Variants in RPGRIP1L observed in about 807,000 individuals in gnomAD.
RPGRIP1L encodes the protein protein fantom.
RPGRIP1L carries 131 observed loss-of-function variants against 160.4 expected under a neutral mutation model. The observed-to-expected ratio is 0.82, with a 90% CI of 0.71 to 0.94. The LOEUF (loss-of-function observed/expected upper bound fraction) is 0.94. Among genes scored for constraint, RPGRIP1L ranks in the 40% least tolerant of loss-of-function variants. RPGRIP1L has a pLI of 0.00. For synonymous variants in RPGRIP1L, 510 were observed against 515.8 expected (o/e 0.99, Z 0.15); for missense variants, 1,522 against 1,535.8 (o/e 0.99, Z 0.15).
At chr16:53,643,076 C>A (rs1432396255) in intron 17 of RPGRIP1L, among the ~76,000 whole-genome samples, 1 of 152,094 alleles carries the variant, frequency 6.6e-6, no homozygotes, top group Non-Finnish European at 1.5e-5. Context: ...GCAGGTGGAT[C>A]ACTTGAGGTC....
intron 22 of RPGRIP1L, among the ~76,000 whole-genome samples, chr16:53,633,341 CA>C (rs1425587498): frequency 6.6e-6 from 1 of 152,130 alleles, no homozygotes; most frequent in Non-Finnish European, 1.5e-5. Flanking sequence ...GTATTCCTAC[CA>C]AAATGCATAA....
At chr16:53,617,879 G>A (rs777683126) in intron 24 of RPGRIP1L, among the ~76,000 whole-genome samples, 11 of 152,150 alleles carry the variant, frequency 7.2e-5, no homozygotes, top group Non-Finnish European at 1.5e-4. Context: ...CAATTTCTAA[G>A]ATTAGTGAGG....
Position 53,665,020 on chromosome 16 carries a change from C to T in RPGRIP1L, c.1104-11G>A. 1 of 1,613,386 alleles carries T rather than the reference C, an allele frequency of 6.2e-7. No individual in the cohort carries two copies. Among genetic ancestry groups the T allele is most frequent in the Non-Finnish European group, 8.5e-7 (1 of 1,179,810 alleles). ...GCAGCACTGAAGGCACTGCAAAACACACGTGACATGCAAGGAAAGCTTGGA... is the reference window on the plus strand; with the variant it reads ...GCAGCACTGAAGGCACTGCAAAACATACGTGACATGCAAGGAAAGCTTGGA... On this transcript the variant is annotated splice_polypyrimidine_tract_variant and intron_variant, in intron 9 of 26. Coordinates refer to ENST00000647211, the MANE Select transcript of RPGRIP1L (RefSeq NM_015272.5).
intron 6 of RPGRIP1L, among the ~76,000 whole-genome samples, chr16:53,678,614 C>G (rs990277404): frequency 6.6e-6 from 1 of 151,452 alleles, no homozygotes; most frequent in African/African-American, 2.4e-5. Context: ...TAAAAAAAAG[C>G]TTCCTGAATT....
chr16:53,674,729 A>C (rs1969014542), intron 7 of RPGRIP1L, among the ~76,000 whole-genome samples: 1 of 152,156 alleles, frequency 6.6e-6, no homozygotes, highest in African/African-American at 2.4e-5. Flanking sequence ...AAGGAGTTAA[A>C]AATAAATTTC....
At chr16:53,604,025 G>A (rs951638781) in intron 26 of RPGRIP1L, among the ~76,000 whole-genome samples, 3 of 152,130 alleles carry the variant, frequency 2.0e-5, no homozygotes, top group Admixed American at 1.3e-4. Context: ...GAAAAAATAC[G>A]AAGAATATAA....
intron 22 of RPGRIP1L, 118 bp downstream of exon 22, chr16:53,636,321 T>A: frequency 1.3e-6 from 1 of 768,518 alleles, no homozygotes; most frequent in South Asian, 1.6e-5. Context: ...ATGATAAACA[T>A]TAAAGTTTTT....
At chr16:53,672,660 A>G (rs1189374575) in intron 8 of RPGRIP1L, among the ~76,000 whole-genome samples, 1 of 152,186 alleles carries the variant, frequency 6.6e-6, no homozygotes, top group Non-Finnish European at 1.5e-5. Flanking sequence ...TCCTTTGGGT[A>G]AACAGTGGAT....
At chr16:53,666,604 A>ATATATG (rs1555608974) in intron 9 of RPGRIP1L, among the ~76,000 whole-genome samples, 86 of 145,598 alleles carry the variant, frequency 5.9e-4, no homozygotes, top group African/African-American at 2.1e-3. Context: ...ATATATATAT[A>ATATATG]TATGTATGTA....
At chr16:53,603,148 T>C (rs1963471295) in intron 26 of RPGRIP1L, among the ~76,000 whole-genome samples, 1 of 152,112 alleles carries the variant, frequency 6.6e-6, no homozygotes, top group Non-Finnish European at 1.5e-5. Flanking sequence ...GCCCCGAAGG[T>C]AGACTATTTG....
Position 53,671,596 on chromosome 16 carries a change from T to A in RPGRIP1L, c.1030-13A>T. On this transcript the variant is annotated splice_polypyrimidine_tract_variant and intron_variant, in intron 8 of 26. Coordinates refer to ENST00000647211, the MANE Select transcript of RPGRIP1L (RefSeq NM_015272.5). ...TTCTATCCTGCAGCTAAAATGAAAATAAAATTACATATTAAGTAAATATTA... is the reference window on the plus strand; with the variant it reads ...TTCTATCCTGCAGCTAAAATGAAAAAAAAATTACATATTAAGTAAATATTA... 7.4e-7 allele frequency: 1 copy of A among 1,343,342 alleles called. No individual in the cohort carries two copies. The highest frequency in any genetic ancestry group is 1.1e-6 in the Non-Finnish European group (1 of 947,522). The allele number at this position is 1,343,342 out of a possible 1,614,324, so 83.2% of individuals were successfully genotyped here.
intron 2 of RPGRIP1L, among the ~76,000 whole-genome samples, chr16:53,697,891 G>A (rs1282386264): frequency 1.1e-4 from 17 of 148,936 alleles, no homozygotes; most frequent in African/African-American, 2.0e-4. Flanking sequence ...GTCTCTGCCC[G>A]GCCGCCATCC....
intron 3 of RPGRIP1L, chr16:53,694,112 A>T (rs1480797882): frequency 6.6e-6 from 1 of 152,124 alleles, no homozygotes; most frequent in Non-Finnish European, 1.5e-5. Flanking sequence ...ATCATACGTG[A>T]TCTGGCAAAG....
chr16:53,696,499 TAC>T (rs1213033410), intron 2 of RPGRIP1L, among the ~76,000 whole-genome samples: 4 of 152,200 alleles, frequency 2.6e-5, no homozygotes, highest in Non-Finnish European at 5.9e-5. Flanking sequence ...ATACTTTATA[TAC>T]AGTTTTAGGA....
intron 9 of RPGRIP1L, among the ~76,000 whole-genome samples, chr16:53,666,256 T>C (rs1265705783): frequency 6.6e-6 from 1 of 152,158 alleles, no homozygotes; most frequent in Non-Finnish European, 1.5e-5. Flanking sequence ...TAAGATAACA[T>C]GACCTTGAAA....
intron 9 of RPGRIP1L, among the ~76,000 whole-genome samples, chr16:53,666,335 T>C (rs529853884): frequency 2.0e-5 from 3 of 152,226 alleles, no homozygotes; most frequent in African/African-American, 7.2e-5. Context: ...TCATTTCACT[T>C]ATGGAAACTT....
At chr16:53,651,365 C>T (rs779527692) in intron 15 of RPGRIP1L, among the ~76,000 whole-genome samples, 3 of 152,174 alleles carry the variant, frequency 2.0e-5, no homozygotes, top group Non-Finnish European at 2.9e-5. Context: ...AATACAATAG[C>T]CTGAGAACGG....
rs1183552408 is a variant in RPGRIP1L at position 53,598,411 on chromosome 16, AG to A, written c.*3664del. The A allele has an allele frequency of 2.6e-5, 4 of 152,226 alleles. No homozygotes were observed. The highest frequency in any genetic ancestry group is 1.3e-4 in the Admixed American group (2 of 15,276). 9.4% of individuals were successfully genotyped at this position (152,226 alleles called of 1,614,324 possible). ...ATGTCATATGGAAAATGAAAGGGCA[AG>A]AACAAAAGGTATAAGAATACCAGTA... On this transcript the variant is annotated 3_prime_UTR_variant, in exon 27 of 27. Transcript: ENST00000647211.
chr16:53,662,980 G>A (rs1967932248), intron 10 of RPGRIP1L, among the ~76,000 whole-genome samples: 1 of 151,960 alleles, frequency 6.6e-6, no homozygotes, highest in Non-Finnish European at 1.5e-5. Context: ...ATAAATGATT[G>A]TGATGTAGAT....
Sources: gnomAD v4.1 joint callset for allele counts (sites outside exome capture counted in the v4.1 genomes callset) on GRCh38, gnomAD v4.1.1 for gene constraint, MANE v1.5 for transcripts, NCBI Gene and HGNC (gene_info 2026-07-23, HGNC 2026-07-21) for gene names.